The following CRHBP variants were observed in gnomAD, a reference collection of about 807,000 sequenced individuals.
CRHBP encodes corticotropin-releasing hormone-binding protein.
A neutral mutation model predicts 34.9 loss-of-function variants in CRHBP; 19 were observed. That is an observed-to-expected ratio of 0.55 (90% CI 0.38 to 0.80). The LOEUF is 0.80. Ranked by LOEUF, CRHBP falls within the 30% of genes least tolerant of loss-of-function variation. The probability of loss-of-function intolerance (pLI) is 0.00; values close to 1 mark genes in which losing one functional copy is unlikely to be tolerated. For missense variants in CRHBP, 328 were observed against 409.2 expected, an observed-to-expected ratio of 0.80 and a Z score of 1.71; for synonymous variants, 154 against 153.4, an observed-to-expected ratio of 1.00 and a Z score of -0.03.
downstream of CRHBP, among the ~76,000 whole-genome samples, chr5:76,971,753 T>C (rs1392093077): frequency 6.6e-6 from 1 of 152,220 alleles, no homozygotes; most frequent in Non-Finnish European, 1.5e-5. Context: ...GTTCTGGTCA[T>C]GAGCAAATTG....
rs749133976 is a variant in CRHBP at position 76,953,123 on chromosome 5, G to T, written c.-12G>T. On this transcript the variant is annotated 5_prime_UTR_variant, in exon 1 of 7. In the 5' UTR this introduces an upstream ATG that the reference lacks. Coordinates refer to ENST00000274368, the MANE Select transcript of CRHBP (RefSeq NM_001882.4). ...CGGAGCAGAGCACAGCAGCTGCAGA[G>T]GCAAGGCCAGCATGTCGCCCAACTT... The T allele has an allele frequency of 5.0e-6, 8 of 1,614,190 alleles. No individual in the cohort carries two copies. In the South Asian group the frequency reaches 5.5e-5, roughly 11 times the overall value.
chr5:76,972,823 A>G (rs1298273892), downstream of CRHBP, among the ~76,000 whole-genome samples: 1 of 152,224 alleles, frequency 6.6e-6, no homozygotes, highest in Non-Finnish European at 1.5e-5. Flanking sequence ...GAAATGCTAT[A>G]TGTTCATCAG....
At chr5:76,959,471 C>G (rs1193186267) in intron 5 of CRHBP, among the ~76,000 whole-genome samples, 2 of 152,174 alleles carry the variant, frequency 1.3e-5, no homozygotes, top group South Asian at 4.1e-4. Flanking sequence ...TTTGAATAAA[C>G]TTCTGTATGG....
At chr5:76,965,818 C>T (rs958198628) in intron 6 of CRHBP, among the ~76,000 whole-genome samples, 1 of 152,108 alleles carries the variant, frequency 6.6e-6, no homozygotes, top group African/African-American at 2.4e-5. Context: ...GGAAGGAGGG[C>T]CTTGAGTGTA....
rs748284096 is a variant in CRHBP at position 76,953,121 on chromosome 5, GA to G, written c.-13del. 8 of 1,614,136 alleles carry G rather than the reference GA, an allele frequency of 5.0e-6. No individual in the cohort carries two copies. The South Asian group carries it at 5.5e-5, about 11-fold the overall frequency. ...TCCGGAGCAGAGCACAGCAGCTGCA[GA>G]GGCAAGGCCAGCATGTCGCCCAACT... On this transcript the variant is annotated 5_prime_UTR_variant, in exon 1 of 7. Coordinates refer to ENST00000274368, the MANE Select transcript of CRHBP (RefSeq NM_001882.4).
chr5:76,954,009 C>T lies in CRHBP; in HGVS notation c.176-20C>T, dbSNP rs1168378974. ...GCGGCTGCAGCCCGGGACTTATTGC[C>T]CCATGCCCTCCTCCCCCAGGGTGCC... is the stretch of plus-strand genomic sequence containing the variant. On this transcript the variant is annotated intron_variant, in intron 2 of 6. Coordinates refer to ENST00000274368, the MANE Select transcript of CRHBP (RefSeq NM_001882.4). The T allele has an allele frequency of 6.2e-7, 1 of 1,604,238 alleles. No individual in the cohort carries two copies. The highest frequency in any genetic ancestry group is 8.5e-7 in the Non-Finnish European group (1 of 1,175,604).
chr5:76,972,352 T>G (rs201648728), downstream of CRHBP, among the ~76,000 whole-genome samples: 55 of 152,040 alleles, frequency 3.6e-4, no homozygotes, highest in East Asian at 0.011. Context: ...ACACAAAAAT[T>G]AGCCGGGCAT....
chr5:76,959,155 G>C (rs1251587892), intron 5 of CRHBP: 5 of 334,908 alleles, frequency 1.5e-5, no homozygotes, highest in Non-Finnish European at 2.7e-5. Context: ...AATTGGTAAA[G>C]TTGTGGTATA....
exon 3 of CRHBP, chr5:76,976,504 A>C (rs1055978278): frequency 3.3e-5 from 5 of 152,304 alleles, no homozygotes; most frequent in African/African-American, 4.8e-5. Flanking sequence ...CCCAGACTTC[A>C]GGAACCCAAT....
chr5:76,977,496 T>A (rs1746057502), intron 3 of CRHBP, among the ~76,000 whole-genome samples: 1 of 152,182 alleles, frequency 6.6e-6, no homozygotes, highest in South Asian at 2.1e-4. Flanking sequence ...TGATCTGTGA[T>A]CAGATGTTAC....
chr5:76,979,906 A>G (rs1411611140), intron 3 of CRHBP, among the ~76,000 whole-genome samples: 1 of 151,986 alleles, frequency 6.6e-6, no homozygotes, highest in Non-Finnish European at 1.5e-5. Context: ...ACCTATCTTC[A>G]CTTTGCAGAT....
At chr5:76,957,279 G>T (rs188343720) in intron 4 of CRHBP, among the ~76,000 whole-genome samples, 2 of 152,092 alleles carry the variant, frequency 1.3e-5, no homozygotes, top group Non-Finnish European at 2.9e-5. Flanking sequence ...TGAAAAGGAG[G>T]CAAGAGGTGT....
At chr5:76,966,708 A>G (rs2150708973) in intron 6 of CRHBP, among the ~76,000 whole-genome samples, 1 of 152,072 alleles carries the variant, frequency 6.6e-6, no homozygotes, top group African/African-American at 2.4e-5. Context: ...ATTGACCTTA[A>G]GTTCCCTGCC....
At chr5:76,971,162 G>A (rs1745938655), downstream of CRHBP, among the ~76,000 whole-genome samples, 1 of 152,158 alleles carries the variant, frequency 6.6e-6, no homozygotes, top group Non-Finnish European at 1.5e-5. Flanking sequence ...ATAGCGTAGT[G>A]GTTAAGGTCA....
chr5:76,959,139 G>A, intron 5 of CRHBP: 1 of 368,408 alleles, frequency 2.7e-6, no homozygotes, highest in Non-Finnish European at 4.8e-6. Flanking sequence ...TGTAAGAAGT[G>A]TTTTCAATTG....
At chr5:76,953,293 C>A in intron 1 of CRHBP, 78 bp downstream of exon 1, 1 of 1,379,176 alleles carries the variant, frequency 7.3e-7, no homozygotes, top group Non-Finnish European at 1.0e-6. Flanking sequence ...CCTCTGCTCG[C>A]AGCCTTTTGG....
At position 76,976,030 on chromosome 5, in the gene CRHBP, A is replaced by G. The variant is rs930963445; in HGVS notation, n.312-335A>G. 5.4e-4 allele frequency among the ~76,000 whole-genome samples: 81 copies of G among 150,670 alleles called. 1 individual carries two copies. The Admixed American group carries it at 5.4e-3, about 10-fold the overall frequency. On this transcript the variant is annotated intron_variant and non_coding_transcript_variant, in intron 2 of 3. Transcript: ENST00000514258. Reference sequence around the variant, plus strand: ...GGTAGATCAACTCTGCCTTCTGCTCAGCAAAAGCCAATCCCTTCACCCATC... The same window carrying G: ...GGTAGATCAACTCTGCCTTCTGCTCGGCAAAAGCCAATCCCTTCACCCATC...
chr5:76,956,697 C>A (rs557916946), intron 4 of CRHBP, among the ~76,000 whole-genome samples: 2 of 148,604 alleles, frequency 1.3e-5, no homozygotes, highest in Non-Finnish European at 3.0e-5. Flanking sequence ...GCGCTCCAGC[C>A]GGGGTGACAA....
chr5:76,953,261 G>A (rs934175288), intron 1 of CRHBP, 46 bp downstream of exon 1: 1 of 1,578,474 alleles, frequency 6.3e-7, no homozygotes, highest in Non-Finnish European at 8.7e-7. Context: ...TTGCGTGTTA[G>A]CCCTAGGCGG....
Sources: allele counts gnomAD v4.1 joint callset (sites outside exome capture counted in the v4.1 genomes callset), GRCh38; gene constraint gnomAD v4.1.1; transcripts MANE v1.5; gene names NCBI Gene and HGNC (gene_info 2026-07-23, HGNC 2026-07-21).